The following CDC25A variants were observed in gnomAD, a reference collection of about 807,000 sequenced individuals.
The protein encoded by CDC25A is M-phase inducer phosphatase 1.
In CDC25A, 17 loss-of-function variants were observed where a neutral mutation model predicts 64.6. The ratio of observed to expected loss-of-function variants is 0.26; its 90% confidence interval spans 0.18 to 0.39. CDC25A has a LOEUF of 0.39. Ranked by LOEUF, CDC25A falls within the 10% of genes least tolerant of loss-of-function variation. The pLI is 1.00. For synonymous variants in CDC25A, 229 were observed against 238.6 expected, an observed-to-expected ratio of 0.96 and a Z score of 0.37; for missense variants, 473 against 654.8, an observed-to-expected ratio of 0.72 and a Z score of 3.03.
At position 48,168,410 on chromosome 3, in the gene CDC25A, G is replaced by C. The variant is rs1181108035; in HGVS notation, c.931-466C>G. Among the ~76,000 whole-genome samples the C allele has an allele frequency of 3.1e-4, 21 of 67,508 alleles. No individual in the cohort carries two copies. In the East Asian group the frequency reaches 0.013, roughly 42 times the overall value. 44.3% of individuals were successfully genotyped at this position (67,508 alleles called of 152,430 possible). A position where few individuals can be genotyped will look rare whatever the true frequency, so the allele number is the denominator to read the frequency against. ...CACACACACACACACACACACACAA[G>C]CTGGGCATGGTGGTGTGTGCCTGTA... On this transcript the variant is annotated intron_variant, in intron 9 of 14. Transcript: ENST00000302506.
chr3:48,162,825 G>A (rs1256663083), intron 13 of CDC25A, among the ~76,000 whole-genome samples: 3 of 151,226 alleles, frequency 2.0e-5, no homozygotes, highest in East Asian at 1.9e-4. Context: ...TCCAGCCTGG[G>A]TGACAGAGCG....
Position 48,188,153 on chromosome 3 carries a change from G to GC in CDC25A, c.-207dup. 5.4e-6 allele frequency: 2 copies of GC among 367,672 alleles called. No homozygotes were observed. The highest frequency in any genetic ancestry group is 9.5e-6 in the Non-Finnish European group (2 of 211,140). 22.8% of individuals were successfully genotyped at this position (367,672 alleles called of 1,614,324 possible). A position where few individuals can be genotyped will look rare whatever the true frequency, so the allele number is the denominator to read the frequency against. On this transcript the variant is annotated 5_prime_UTR_variant, in exon 1 of 15. Transcript: ENST00000302506. Reference sequence around the variant, plus strand: ...CGGACCCTCCAGGCGCCAGCCACCAGCCACAGGCACGGGTGCTTCCCTCTC... The same window carrying GC: ...CGGACCCTCCAGGCGCCAGCCACCAGCCCACAGGCACGGGTGCTTCCCTCTC...
At chr3:48,160,034 C>A (rs528073673) in intron 13 of CDC25A, among the ~76,000 whole-genome samples, 1 of 152,276 alleles carries the variant, frequency 6.6e-6, no homozygotes, top group East Asian at 1.9e-4. Context: ...CCCTTGTTCA[C>A]CCCACGCCAG....
At chr3:48,169,035 C>T (rs1239220776) in intron 9 of CDC25A, among the ~76,000 whole-genome samples, 2 of 152,144 alleles carry the variant, frequency 1.3e-5, no homozygotes, top group Non-Finnish European at 2.9e-5. Context: ...ACTTGTAATA[C>T]ACAGAAACAC....
At chr3:48,186,351 C>T (rs2032843354) in intron 2 of CDC25A, among the ~76,000 whole-genome samples, 1 of 152,132 alleles carries the variant, frequency 6.6e-6, no homozygotes, top group Non-Finnish European at 1.5e-5. Context: ...GGCGGATCAC[C>T]TGAGGTTGTG....
At chr3:48,184,199 TAAAAATAC>T (rs2032767914) in intron 3 of CDC25A, among the ~76,000 whole-genome samples, 1 of 151,942 alleles carries the variant, frequency 6.6e-6, no homozygotes, top group Admixed American at 6.6e-5. Flanking sequence ...TCGTGTCTAC[TAAAAATAC>T]AAAAATTAAC....
chr3:48,180,216 GC>G (rs1467265854), intron 6 of CDC25A: 2 of 152,340 alleles, frequency 1.3e-5, no homozygotes, highest in African/African-American at 4.8e-5. Context: ...ATGGCACCTG[GC>G]CCATAACTGT....
intron 8 of CDC25A, among the ~76,000 whole-genome samples, chr3:48,176,262 C>T (rs1300912013): frequency 6.6e-6 from 1 of 152,082 alleles, no homozygotes; most frequent in African/African-American, 2.4e-5. Context: ...AAAATATGAA[C>T]TTATCAATTT....
chr3:48,187,751 G>A (rs1020177813), intron 1 of CDC25A, 27 bp downstream of exon 1: 73 of 1,528,054 alleles, frequency 4.8e-5, no homozygotes, highest in Non-Finnish European at 6.1e-5. Context: ...CAGGGGCCCG[G>A]AGCACCGCCC....
At position 48,174,381 on chromosome 3, in the gene CDC25A, C is replaced by A. The variant is rs764925971; in HGVS notation, c.833G>T (p.Arg278Leu). ...TCCAGGTGGAGACTCCTCTTGAGAT[C>A]GTTCTGGTCTCTTCAACACTGACCG... ...STRSVLKRPE[R>L]SQEESPPGST... Residue 278 changes from arginine to leucine, a missense_variant, in exon 9 of 15, where the codon CGA becomes CTA. Arg to Leu is a moderately radical substitution (Grantham distance 102). This residue lies in a region of CDC25A where 376 missense variants were observed against 431.9 expected (regional missense o/e 0.87). Coordinates refer to ENST00000302506, the MANE Select transcript of CDC25A (RefSeq NM_001789.3). 5.0e-6 allele frequency: 8 copies of A among 1,614,174 alleles called. No individual in the cohort carries two copies. The highest frequency in any genetic ancestry group is 6.8e-6 in the Non-Finnish European group (8 of 1,180,010).
chr3:48,181,361 G>A (rs1446696375), intron 5 of CDC25A, among the ~76,000 whole-genome samples: 1 of 151,642 alleles, frequency 6.6e-6, no homozygotes, highest in Admixed American at 6.6e-5. Flanking sequence ...AGCCAGATAT[G>A]ATAGAATACA....
chr3:48,168,406 A>ACACACACACACC, intron 9 of CDC25A, among the ~76,000 whole-genome samples: 1 of 148,478 alleles, frequency 6.7e-6, no homozygotes, highest in Non-Finnish European at 1.5e-5. Flanking sequence ...ACACACACAC[A>ACACACACACACC]CAAGCTGGGC....
intron 9 of CDC25A, among the ~76,000 whole-genome samples, chr3:48,170,616 T>C (rs938333246): frequency 2.0e-5 from 3 of 152,204 alleles, no homozygotes; most frequent in African/African-American, 7.2e-5. Context: ...TTAGGGAGGC[T>C]TCATTACATA....
intron 13 of CDC25A, among the ~76,000 whole-genome samples, chr3:48,162,709 G>A (rs1262696598): frequency 2.6e-5 from 4 of 152,008 alleles, no homozygotes; most frequent in Admixed American, 1.3e-4. Flanking sequence ...TTAGCCAGGC[G>A]TGATGGTGGG....
intron 12 of CDC25A, 34 bp from the exon 13 acceptor site, chr3:48,164,471 C>T (rs191550329): frequency 1.2e-5 from 17 of 1,465,196 alleles, no homozygotes; most frequent in Non-Finnish European, 1.5e-5. Flanking sequence ...GGAACCTGCA[C>T]GTTTCACACA....
In CDC25A at chr3:48,188,056, T is replaced by A; in HGVS notation, c.-109A>T. On this transcript the variant is annotated 5_prime_UTR_variant, in exon 1 of 15. Transcript: ENST00000302506. ...GCCGCGCGCCACCGGCGCCCGCGGG[T>A]CAAACACAAACACGACTCCGCGGTT... The A allele has an allele frequency of 1.2e-4, 107 of 911,240 alleles. No homozygotes were observed. Among genetic ancestry groups the A allele is most frequent in the East Asian group, 6.0e-4 (15 of 25,028 alleles). The allele number at this position is 911,240 out of a possible 1,614,324, so 56.4% of individuals were successfully genotyped here. A position where few individuals can be genotyped will look rare whatever the true frequency, so the allele number is the denominator to read the frequency against.
intron 4 of CDC25A, 72 bp from the exon 5 acceptor site, chr3:48,183,102 G>A: frequency 3.1e-5 from 31 of 1,009,866 alleles, no homozygotes; most frequent in Admixed American, 1.4e-4. Flanking sequence ...GTTCTCAAAA[G>A]AAAAAAAAGG....
chr3:48,165,870 A>G lies in CDC25A; in HGVS notation c.1053T>C (p.Ala351=). The change falls in exon 11 of 15, where the codon GCT becomes GCC. Residue 351 remains alanine (A), a synonymous_variant. Transcript: ENST00000302506. ...TGTATTTTAAATCCTGATGTTTCCC[A>G]GCAACTGTATGAAAGAGATAACCCT... ...FSKGYLFHTV[A]GKHQDLKYIS... 1.2e-6 allele frequency: 2 copies of G among 1,607,382 alleles called. No individual in the cohort carries two copies. The highest frequency in any genetic ancestry group is 8.5e-7 in the Non-Finnish European group (1 of 1,173,824).
At chr3:48,171,483 C>A (rs202146346) in intron 9 of CDC25A, among the ~76,000 whole-genome samples, 1 of 150,056 alleles carries the variant, frequency 6.7e-6, no homozygotes, top group Admixed American at 6.7e-5. Context: ...CGGGTTCAAG[C>A]GATTCTCCTG....
Sources: allele counts gnomAD v4.1 joint callset (sites outside exome capture counted in the v4.1 genomes callset), GRCh38; gene constraint gnomAD v4.1.1; regional missense constraint gnomAD v4.1.1; transcripts MANE v1.5; gene names NCBI Gene and HGNC (gene_info 2026-07-23, HGNC 2026-07-21).